MACROD1: variants seen among roughly 807,000 people sequenced by gnomAD.
MACROD1 encodes ADP-ribose glycohydrolase MACROD1.
A neutral mutation model predicts 41.4 loss-of-function variants in MACROD1; 31 were observed. The observed-to-expected ratio is 0.75, with a 90% CI of 0.56 to 1.01. The LOEUF (loss-of-function observed/expected upper bound fraction) is 1.01. Ranked by LOEUF, MACROD1 falls within the 50% of genes least tolerant of loss-of-function variation. The probability of loss-of-function intolerance (pLI) is 0.00; values close to 1 mark genes in which losing one functional copy is unlikely to be tolerated. For synonymous variants in MACROD1, 252 were observed against 203.4 expected (o/e 1.24, Z -2.03); for missense variants, 473 against 460.0 (o/e 1.03, Z -0.26).
chr11:64,114,722 GATGA>G (rs1944944108), intron 3 of MACROD1, among the ~76,000 whole-genome samples: 2 of 151,986 alleles, frequency 1.3e-5, no homozygotes, highest in Non-Finnish European at 2.9e-5. Context: ...TGGATGGATG[GATGA>G]ATGGATGGAT....
intron 3 of MACROD1, among the ~76,000 whole-genome samples, chr11:64,049,077 T>C (rs1943641579): frequency 6.6e-6 from 1 of 151,802 alleles, no homozygotes. Flanking sequence ...GGGTGGGGCC[T>C]TTGCCTGCAC....
intron 3 of MACROD1, among the ~76,000 whole-genome samples, chr11:64,083,379 T>C (rs1014154625): frequency 2.6e-5 from 4 of 152,266 alleles, no homozygotes; most frequent in East Asian, 1.9e-4. Flanking sequence ...GAGATTGCCA[T>C]GAGCTGAGAT....
intron 3 of MACROD1, among the ~76,000 whole-genome samples, chr11:64,148,353 C>T (rs1201944665): frequency 6.6e-6 from 1 of 152,164 alleles, no homozygotes; most frequent in East Asian, 1.9e-4. Flanking sequence ...GCAGCGACAG[C>T]CCCTCCCATA....
chr11:64,031,029 T>C (rs1170549925), intron 3 of MACROD1, among the ~76,000 whole-genome samples: 1 of 152,114 alleles, frequency 6.6e-6, no homozygotes, highest in East Asian at 1.9e-4. Context: ...AGTAAGACCC[T>C]TGTTTCAAGG....
At chr11:64,078,076 T>C (rs1240677900) in intron 3 of MACROD1, among the ~76,000 whole-genome samples, 4 of 152,150 alleles carry the variant, frequency 2.6e-5, no homozygotes, top group African/African-American at 9.7e-5. Context: ...TGGCCTTCCC[T>C]TTCACAGTCA....
In MACROD1 at chr11:64,016,695, A is replaced by G. The variant is rs920303790; in HGVS notation, c.518-1414T>C. 2.6e-5 allele frequency among the ~76,000 whole-genome samples: 4 copies of G among 152,366 alleles called. No homozygotes were observed. The South Asian group carries it at 8.3e-4, about 32-fold the overall frequency. The stretch of plus-strand genomic sequence containing the variant: ...GCTGCAAGTTGCCATGTTACTTGCG[A>G]GATTAATACAAGCAGCTAATTAAGA... On this transcript the variant is annotated intron_variant, in intron 3 of 10. Coordinates refer to ENST00000255681, the MANE Select transcript of MACROD1 (RefSeq NM_014067.4).
At chr11:64,151,895 G>T (rs1227993105) in intron 2 of MACROD1, among the ~76,000 whole-genome samples, 1 of 152,178 alleles carries the variant, frequency 6.6e-6, no homozygotes, top group Non-Finnish European at 1.5e-5. Context: ...TTGGGAGGCC[G>T]TGGCGGGCAG....
Position 63,998,629 on chromosome 11 carries a change from G to C in MACROD1, c.*89C>G. On this transcript the variant is annotated 3_prime_UTR_variant, in exon 11 of 11. Transcript: ENST00000255681. ...GGGAAAGAAGGGGTGGCCAGGCCCAGGCCAGGCTGCAGGCTTTGGCGACCT... is the reference window on the plus strand; with the variant it reads ...GGGAAAGAAGGGGTGGCCAGGCCCACGCCAGGCTGCAGGCTTTGGCGACCT... The C allele has an allele frequency of 1.5e-6, 2 of 1,307,676 alleles. No homozygotes were observed. Among genetic ancestry groups the C allele is most frequent in the African/African-American group, 3.1e-5 (2 of 65,396 alleles). 81.0% of individuals were successfully genotyped at this position (1,307,676 alleles called of 1,614,324 possible). A position where few individuals can be genotyped will look rare whatever the true frequency, so the allele number is the denominator to read the frequency against.
chr11:64,131,551 TC>T (rs1204992557), intron 3 of MACROD1, among the ~76,000 whole-genome samples: 1 of 152,114 alleles, frequency 6.6e-6, no homozygotes, highest in African/African-American at 2.4e-5. Context: ...GGTCTTGAAC[TC>T]CCAACTTCAA....
At chr11:64,030,061 G>A (rs1037680816) in intron 3 of MACROD1, among the ~76,000 whole-genome samples, 13 of 152,030 alleles carry the variant, frequency 8.6e-5, no homozygotes, top group Non-Finnish European at 1.9e-4. Flanking sequence ...CCACCCCCCG[G>A]GTGACACAGT....
chr11:64,142,137 G>C (rs892226104), intron 3 of MACROD1, among the ~76,000 whole-genome samples: 3 of 152,194 alleles, frequency 2.0e-5, no homozygotes. Flanking sequence ...GTAGGGGGCT[G>C]GGCTAGGCAG....
At chr11:64,054,948 TCTCAGGATGG>T (rs1384575554) in intron 3 of MACROD1, among the ~76,000 whole-genome samples, 1 of 152,114 alleles carries the variant, frequency 6.6e-6, no homozygotes, top group Non-Finnish European at 1.5e-5. Flanking sequence ...CCGCTGAATT[TCTCAGGATGG>T]CTCAGGATCT....
chr11:64,054,804 C>T (rs569651600), intron 3 of MACROD1, among the ~76,000 whole-genome samples: 1 of 152,246 alleles, frequency 6.6e-6, no homozygotes, highest in East Asian at 1.9e-4. Flanking sequence ...CTCATCTTGT[C>T]TCCTCAAGTG....
At chr11:64,050,869 T>G (rs1943680358) in intron 3 of MACROD1, among the ~76,000 whole-genome samples, 1 of 152,238 alleles carries the variant, frequency 6.6e-6, no homozygotes, top group South Asian at 2.1e-4. Flanking sequence ...TCCGCCTGCC[T>G]TGGCTTTCCA....
At chr11:64,015,196 G>C in intron 4 of MACROD1, 56 bp downstream of exon 4, 1 of 1,521,710 alleles carries the variant, frequency 6.6e-7, no homozygotes, top group South Asian at 1.3e-5. Context: ...GGGAGGAGCA[G>C]ACCCAGCAGG....
intron 3 of MACROD1, among the ~76,000 whole-genome samples, chr11:64,091,802 GCCA>G (rs1328671725): frequency 6.6e-6 from 1 of 152,106 alleles, no homozygotes; most frequent in African/African-American, 2.4e-5. Flanking sequence ...CTGACAGTGG[GCCA>G]CTACCCCAGT....
At chr11:64,005,024 T>TTATTTATTTATA (rs1488192606) in intron 4 of MACROD1, among the ~76,000 whole-genome samples, 2 of 151,188 alleles carry the variant, frequency 1.3e-5, no homozygotes, top group African/African-American at 4.9e-5. Context: ...AAGATCCACT[T>TTATTTATTTATA]TATTTATTTA....
chr11:64,110,283 C>A (rs936433864), intron 3 of MACROD1, among the ~76,000 whole-genome samples: 1 of 152,078 alleles, frequency 6.6e-6, no homozygotes, highest in South Asian at 2.1e-4. Context: ...AACCCCATCT[C>A]TGCAAAAAAT....
chr11:64,089,138 T>A (rs1379649320), intron 3 of MACROD1, among the ~76,000 whole-genome samples: 2 of 152,158 alleles, frequency 1.3e-5, no homozygotes, highest in Non-Finnish European at 2.9e-5. Context: ...AGGAGCCCGC[T>A]GGTGACCAGC....
Sources: allele counts gnomAD v4.1 joint callset (sites outside exome capture counted in the v4.1 genomes callset), GRCh38; gene constraint gnomAD v4.1.1; transcripts MANE v1.5; gene names NCBI Gene and HGNC (gene_info 2026-07-23, HGNC 2026-07-21).